VAPB: variants seen among roughly 807,000 people sequenced by gnomAD.
VAPB encodes the protein vesicle-associated membrane protein-associated protein B/C.
Under a neutral mutation model 25.6 loss-of-function variants are expected in VAPB, and 7 were observed. The ratio of observed to expected loss-of-function variants is 0.27; its 90% CI spans 0.16 to 0.51. The LOEUF (loss-of-function observed/expected upper bound fraction) is 0.51, where lower values mean the gene tolerates loss of function less well. Among genes scored for constraint, VAPB ranks in the 20% least tolerant of loss-of-function variants. The pLI is 0.97. For synonymous variants in VAPB, 112 were observed against 109.2 expected, an observed-to-expected ratio of 1.03 and a Z score of -0.16; for missense variants, 266 against 301.3, an observed-to-expected ratio of 0.88 and a Z score of 0.87.
intron 3 of VAPB, among the ~76,000 whole-genome samples, chr20:58,436,848 T>C (rs555844228): frequency 6.6e-6 from 1 of 152,134 alleles, no homozygotes; most frequent in Non-Finnish European, 1.5e-5. Flanking sequence ...TCTTATATAG[T>C]CATGATACTA....
intron 2 of VAPB, among the ~76,000 whole-genome samples, chr20:58,424,985 C>G (rs1241826300): frequency 6.6e-6 from 1 of 152,222 alleles, no homozygotes; most frequent in African/African-American, 2.4e-5. Flanking sequence ...TCAACGTGTT[C>G]TGGACCCTAA....
At position 58,445,098 on chromosome 20, in the gene VAPB, G is replaced by A; in HGVS notation, c.*863G>A. The A allele has an allele frequency of 2.2e-6, 1 of 454,594 alleles. No individual in the cohort carries two copies. Among genetic ancestry groups the A allele is most frequent in the South Asian group, 1.6e-5 (1 of 64,474 alleles). The allele number at this position is 454,594 out of a possible 1,614,324, so 28.2% of individuals were successfully genotyped here. On this transcript the variant is annotated 3_prime_UTR_variant, in exon 6 of 6. Coordinates refer to ENST00000475243, the MANE Select transcript of VAPB (RefSeq NM_004738.5). ...TGGAGAGTCTGGTCATGTGGAGGTG[G>A]GGTTTATTGGGATGCTGGAGAAGAG...
chr20:58,445,923 T>G lies in VAPB; in HGVS notation c.*1688T>G. 1 of 453,938 alleles carries G rather than the reference T, an allele frequency of 2.2e-6. No individual in the cohort carries two copies. The highest frequency in any genetic ancestry group is 1.6e-5 in the South Asian group (1 of 64,456). 28.1% of individuals were successfully genotyped at this position (453,938 alleles called of 1,614,324 possible). ...CTGTGCACAGGTTTGAGAGGACAAG[T>G]TCATCAGAAGGAAGGCAGTCCTTAG... On this transcript the variant is annotated 3_prime_UTR_variant, in exon 6 of 6. Coordinates refer to ENST00000475243, the MANE Select transcript of VAPB (RefSeq NM_004738.5).
intron 1 of VAPB, among the ~76,000 whole-genome samples, chr20:58,404,146 T>TTGATATCA (rs1988167759): frequency 1.3e-5 from 2 of 152,308 alleles, no homozygotes; most frequent in South Asian, 4.1e-4. Context: ...CCAGAGATAT[T>TTGATATCA]TTTCTAAAAA....
chr20:58,415,649 TTGAC>T (rs1403895088), intron 1 of VAPB, among the ~76,000 whole-genome samples: 1 of 152,172 alleles, frequency 6.6e-6, no homozygotes, highest in Non-Finnish European at 1.5e-5. Flanking sequence ...ATTTGTAAAA[TTGAC>T]TGTACTTTAT....
chr20:58,423,624 G>T (rs1308683793), intron 2 of VAPB, among the ~76,000 whole-genome samples: 3 of 152,026 alleles, frequency 2.0e-5, no homozygotes, highest in African/African-American at 7.2e-5. Context: ...CACCTTTCAG[G>T]TGCACTAGGG....
intron 2 of VAPB, among the ~76,000 whole-genome samples, chr20:58,425,408 T>G (rs1448848731): frequency 6.6e-6 from 1 of 152,228 alleles, no homozygotes; most frequent in African/African-American, 2.4e-5. Context: ...AGAGCATGAT[T>G]CAGGAACGCT....
At chr20:58,399,713 CAAA>C (rs11315321) in intron 1 of VAPB, among the ~76,000 whole-genome samples, 5,654 of 128,336 alleles carry the variant, frequency 0.044, 317 homozygotes, top group African/African-American at 0.14. Context: ...GAGACCGTCT[CAAA>C]AAAAAAAAAA....
chr20:58,419,996 T>C (rs1988635068), intron 2 of VAPB, among the ~76,000 whole-genome samples: 1 of 149,042 alleles, frequency 6.7e-6, no homozygotes. Flanking sequence ...TATCTCTCTC[T>C]TTTTTTTTTG....
At chr20:58,437,225 C>T (rs759180717) in intron 3 of VAPB, among the ~76,000 whole-genome samples, 11 of 151,662 alleles carry the variant, frequency 7.3e-5, no homozygotes, top group Non-Finnish European at 1.3e-4. Context: ...CTCTGCCTCT[C>T]GAAGTGCTGG....
intron 2 of VAPB, among the ~76,000 whole-genome samples, chr20:58,424,714 C>T (rs1432650444): frequency 6.6e-6 from 1 of 152,280 alleles, no homozygotes; most frequent in East Asian, 1.9e-4. Flanking sequence ...TATAGCAGTC[C>T]TCATCTTCCA....
chr20:58,416,633 A>G (rs1208896944), intron 1 of VAPB, among the ~76,000 whole-genome samples: 1 of 152,180 alleles, frequency 6.6e-6, no homozygotes, highest in Non-Finnish European at 1.5e-5. Context: ...GATCAAATTT[A>G]TGTTTTCAAA....
At chr20:58,410,800 C>T (rs745724812) in intron 1 of VAPB, among the ~76,000 whole-genome samples, 1 of 152,200 alleles carries the variant, frequency 6.6e-6, no homozygotes, top group Non-Finnish European at 1.5e-5. Context: ...CAGTATGCTA[C>T]CTTTTCATAC....
intron 2 of VAPB, among the ~76,000 whole-genome samples, chr20:58,430,417 G>A (rs1008882546): frequency 1.2e-4 from 18 of 150,958 alleles, no homozygotes; most frequent in Non-Finnish European, 1.9e-4. Flanking sequence ...GCCCACCACC[G>A]TGCCTGGCTA....
chr20:58,408,930 A>C (rs919184261), intron 1 of VAPB, among the ~76,000 whole-genome samples: 16 of 129,260 alleles, frequency 1.2e-4, no homozygotes, highest in African/African-American at 4.3e-4. Flanking sequence ...ATGTGGAAAC[A>C]GGAAAGGAAC....
chr20:58,441,092 T>G lies in VAPB; in HGVS notation c.573+9T>G. 1 of 1,613,544 alleles carries G rather than the reference T, an allele frequency of 6.2e-7. No individual in the cohort carries two copies. Among genetic ancestry groups the G allele is most frequent in the Non-Finnish European group, 8.5e-7 (1 of 1,179,690 alleles). ...AGAACAAGCAGTTCAAGGTAATAGT[T>G]TATTTTCTGGTAATCTACAGAAAAC... On this transcript the variant is annotated intron_variant, in intron 5 of 5. Transcript: ENST00000475243.
chr20:58,437,810 T>C (rs747957487), intron 3 of VAPB, among the ~76,000 whole-genome samples: 3 of 152,200 alleles, frequency 2.0e-5, no homozygotes, highest in Non-Finnish European at 2.9e-5. Context: ...GGATCTGCCA[T>C]AATTTTTGTG....
rs1222520777 is a variant in VAPB at position 58,447,877 on chromosome 20, A to T, written c.*3642A>T. 2.2e-6 allele frequency: 1 copy of T among 453,914 alleles called. No homozygotes were observed. Among genetic ancestry groups the T allele is most frequent in the Admixed American group, 2.4e-5 (1 of 42,552 alleles). The allele number at this position is 453,914 out of a possible 1,614,324, so 28.1% of individuals were successfully genotyped here. ...TTGAGAAATACATGTATGAAGAGAT[A>T]GGGGTCTTGGGCTTCCCAGTGTCAC... On this transcript the variant is annotated 3_prime_UTR_variant, in exon 6 of 6. Transcript: ENST00000475243.
chr20:58,399,713 C>CAA lies in VAPB; in HGVS notation c.58+10214_58+10215dup, dbSNP rs11315321. 5.7e-4 allele frequency among the ~76,000 whole-genome samples: 73 copies of CAA among 128,394 alleles called. 1 individual carries two copies. The highest frequency in any genetic ancestry group is 3.6e-3 in the East Asian group (15 of 4,178). 84.2% of individuals were successfully genotyped at this position (128,394 alleles called of 152,430 possible). A position where few individuals can be genotyped will look rare whatever the true frequency, so the allele number is the denominator to read the frequency against. Reference sequence around the variant, plus strand: ...GCCTGGGCTGAGAGTGAGACCGTCTCAAAAAAAAAAAAAAAAAAATCCTTC... The same window carrying CAA: ...GCCTGGGCTGAGAGTGAGACCGTCTCAAAAAAAAAAAAAAAAAAAAATCCTTC... On this transcript the variant is annotated intron_variant, in intron 1 of 5. Transcript: ENST00000475243.
Sources: allele counts gnomAD v4.1 joint callset (sites outside exome capture counted in the v4.1 genomes callset), GRCh38; gene constraint gnomAD v4.1.1; transcripts MANE v1.5; gene names NCBI Gene and HGNC (gene_info 2026-07-23, HGNC 2026-07-21).